Variants in SEPTIN12 observed in about 807,000 individuals in gnomAD.
SEPTIN12 encodes septin-12.
In SEPTIN12, 42 loss-of-function variants were observed where a neutral mutation model predicts 37.7. That is an observed-to-expected ratio of 1.11 (90% CI 0.87 to 1.44). The LOEUF (loss-of-function observed/expected upper bound fraction) is 1.44, where lower values mean the gene tolerates loss of function less well. Ranked by LOEUF, SEPTIN12 falls within the 40% of genes most tolerant of loss-of-function variation. The pLI is 0.00. For missense variants in SEPTIN12, 613 were observed against 479.2 expected, an observed-to-expected ratio of 1.28 and a Z score of -2.61; for synonymous variants, 254 against 196.7, an observed-to-expected ratio of 1.29 and a Z score of -2.44.
At chr16:4,782,320 T>C (rs753696915) in intron 7 of SEPTIN12, among the ~76,000 whole-genome samples, 1 of 152,204 alleles carries the variant, frequency 6.6e-6, no homozygotes, top group Non-Finnish European at 1.5e-5. Flanking sequence ...TGGTAGGGAA[T>C]AGGCCGCACT....
At chr16:4,781,935 T>C (rs9937927) in intron 7 of SEPTIN12, among the ~76,000 whole-genome samples, 58,449 of 126,200 alleles carry the variant, frequency 0.46, 13,359 homozygotes, top group African/African-American at 0.59. Context: ...TGAGCCACCG[T>C]GCCCGGCCTT....
At position 4,777,625 on chromosome 16, in the gene SEPTIN12, C is replaced by A; in HGVS notation, c.*172G>T. 1.7e-6 allele frequency: 1 copy of A among 593,588 alleles called. No individual in the cohort carries two copies. Among genetic ancestry groups the A allele is most frequent in the Non-Finnish European group, 3.0e-6 (1 of 337,204 alleles). 36.8% of individuals were successfully genotyped at this position (593,588 alleles called of 1,614,324 possible). A position where few individuals can be genotyped will look rare whatever the true frequency, so the allele number is the denominator to read the frequency against. On this transcript the variant is annotated 3_prime_UTR_variant, in exon 10 of 10. Coordinates refer to ENST00000268231, the MANE Select transcript of SEPTIN12 (RefSeq NM_144605.5). The stretch of plus-strand genomic sequence containing the variant: ...CCTGGGTAACAGAGTGACACCCAGC[C>A]TTTTTATTTGTGGATAGCTCAAAGA...
intron 7 of SEPTIN12, among the ~76,000 whole-genome samples, chr16:4,781,861 C>G (rs1214637230): frequency 6.6e-6 from 1 of 150,622 alleles, no homozygotes; most frequent in African/African-American, 2.5e-5. Flanking sequence ...TCAGGCTGGT[C>G]TCGAACTCCC....
At chr16:4,787,912 C>T (rs1370350216) in intron 1 of SEPTIN12, 6 of 420,208 alleles carry the variant, frequency 1.4e-5, no homozygotes. Flanking sequence ...CTGCCCTGTC[C>T]CCACCTACAG....
intron 4 of SEPTIN12, 169 bp downstream of exon 4, chr16:4,785,638 G>A (rs528744662): frequency 3.0e-5 from 18 of 590,856 alleles, no homozygotes; most frequent in Admixed American, 8.8e-5. Flanking sequence ...TTAGCTGGGC[G>A]TGGTGGCGGG....
Position 4,777,867 on chromosome 16 carries a change from C to G in SEPTIN12, c.1007G>C (p.Gly336Ala), listed in dbSNP as rs765174507. The stretch of plus-strand genomic sequence containing the variant: ...GAAGGTCCGGGGGGTGGTCAGCTGT[C>G]CTGGGGAGGCCGGGGCCAGGTTCAC... ...GWVNLAPASP[G>A]QLTTPRTFKV... The change falls in exon 10 of 10, where the codon GGA (glycine) becomes GCA (alanine). Residue 336 changes from glycine to alanine, a missense_variant. Transcript: ENST00000268231. The G allele has an allele frequency of 1.3e-6, 2 of 1,596,580 alleles. No homozygotes were observed. The highest frequency in any genetic ancestry group is 8.5e-7 in the Non-Finnish European group (1 of 1,172,394).
At chr16:4,785,688 G>T (rs1272409738) in intron 4 of SEPTIN12, 119 bp downstream of exon 4, 17 of 714,730 alleles carry the variant, frequency 2.4e-5, no homozygotes, top group Non-Finnish European at 3.8e-5. Flanking sequence ...TGAGGCAGGA[G>T]AATCACTTGA....
Position 4,787,876 on chromosome 16 carries a change from C to T in SEPTIN12, c.-22-209G>A, listed in dbSNP as rs552247879. 8.0e-5 allele frequency: 43 copies of T among 534,790 alleles called. No individual in the cohort carries two copies. The South Asian group carries it at 9.6e-4, about 12-fold the overall frequency. The allele number at this position is 534,790 out of a possible 1,614,324, so 33.1% of individuals were successfully genotyped here. A position where few individuals can be genotyped will look rare whatever the true frequency, so the allele number is the denominator to read the frequency against. ...TTCTGCAGGGTGCCTCAACACCCAT[C>T]CAGAGAGGCTCCGCTGCCCAAGGGT... On this transcript the variant is annotated intron_variant, in intron 1 of 9. Coordinates refer to ENST00000268231, the MANE Select transcript of SEPTIN12 (RefSeq NM_144605.5).
chr16:4,782,610 C>T (rs902676310), intron 7 of SEPTIN12, among the ~76,000 whole-genome samples: 19 of 149,008 alleles, frequency 1.3e-4, no homozygotes, highest in Non-Finnish European at 2.5e-4. Context: ...TTCCACAGCA[C>T]TTTTTTTTTT....
chr16:4,779,560 C>G, intron 8 of SEPTIN12, 130 bp downstream of exon 8: 1 of 699,776 alleles, frequency 1.4e-6, no homozygotes, highest in Non-Finnish European at 2.5e-6. Flanking sequence ...AAAGAGGGAC[C>G]ATTCCCCAGG....
chr16:4,787,805 T>G (rs2082483600), intron 1 of SEPTIN12, 138 bp from the exon 2 acceptor site: 1 of 597,392 alleles, frequency 1.7e-6, no homozygotes, highest in African/African-American at 1.9e-5. Context: ...GTACCCTAAG[T>G]GCCTGTAGTC....
At chr16:4,783,120 G>A (rs977086552) in intron 7 of SEPTIN12, among the ~76,000 whole-genome samples, 4 of 151,952 alleles carry the variant, frequency 2.6e-5, no homozygotes, top group Non-Finnish European at 5.9e-5. Flanking sequence ...TGTTGGCCAG[G>A]CTGGTCTCCA....
Position 4,783,565 on chromosome 16 carries a change from T to C in SEPTIN12, c.631-8A>G, listed in dbSNP as rs749668737. 2.5e-6 allele frequency: 4 copies of C among 1,613,630 alleles called. No homozygotes were observed. In the Admixed American group the frequency reaches 6.7e-5, roughly 27 times the overall value. ...CCTCAGGTTCTGCTGGATCTGGAGA[T>C]CCCACACAGGTGACCTCAGCCCACC... is the stretch of plus-strand genomic sequence containing the variant. On this transcript the variant is annotated splice_polypyrimidine_tract_variant and splice_region_variant and intron_variant, in intron 6 of 9. Coordinates refer to ENST00000268231, the MANE Select transcript of SEPTIN12 (RefSeq NM_144605.5).
At position 4,783,771 on chromosome 16, in the gene SEPTIN12, C is replaced by G. The variant is rs146060866; in HGVS notation, c.513-5G>C. 6.2e-7 allele frequency: 1 copy of G among 1,613,166 alleles called. No homozygotes were observed. Among genetic ancestry groups the G allele is most frequent in the South Asian group, 1.1e-5 (1 of 91,020 alleles). ...TCAATGTCCAGGGGCCGCAGGCTGC[C>G]GGAGGCAGGGCAGTGATGGGGGTGG... is the stretch of plus-strand genomic sequence containing the variant. On this transcript the variant is annotated splice_region_variant and splice_polypyrimidine_tract_variant and intron_variant, in intron 5 of 9. Coordinates refer to ENST00000268231, the MANE Select transcript of SEPTIN12 (RefSeq NM_144605.5).
At chr16:4,778,526 C>T (rs1213949323) in intron 8 of SEPTIN12, among the ~76,000 whole-genome samples, 4 of 152,168 alleles carry the variant, frequency 2.6e-5, no homozygotes, top group Non-Finnish European at 5.9e-5. Flanking sequence ...TCTGGCTGGG[C>T]GCGGTGGCTC....
Position 4,781,943 on chromosome 16 carries a change from C to CTTTTTT in SEPTIN12, c.726+1513_726+1518dup, listed in dbSNP as rs571415645. Among the ~76,000 whole-genome samples the CTTTTTT allele has an allele frequency of 2.1e-3, 101 of 47,448 alleles. 24 individuals carry two copies. The highest frequency in any genetic ancestry group is 9.9e-3 in the African/African-American group (93 of 9,436). 31.1% of individuals were successfully genotyped at this position (47,448 alleles called of 152,430 possible). A position where few individuals can be genotyped will look rare whatever the true frequency, so the allele number is the denominator to read the frequency against. ...ACAGGTGTGAGCCACCGTGCCCGGC[C>CTTTTTT]TTTTTTTTTTTTTTTTTTTTTTTTT... On this transcript the variant is annotated intron_variant, in intron 7 of 9. Transcript: ENST00000268231.
Position 4,784,038 on chromosome 16 carries a change from C to G in SEPTIN12, c.405G>C (p.Glu135Asp). The change falls in exon 5 of 10, where the codon GAG (glutamate) becomes GAC (aspartate). Residue 135 changes from glutamate (E) to aspartate (D), a missense_variant. Glu to Asp is a conservative substitution (Grantham distance 45, BLOSUM62 2). Coordinates refer to ENST00000268231, the MANE Select transcript of SEPTIN12 (RefSeq NM_144605.5). The part of the protein sequence containing the change: ...CWDPILGYIN[E>D]QYEQYLQEEI... ...CCTCCTGCAGGTACTGCTCGTATTG[C>G]TCGTTGATGTAGCCCAGGATGGGGT... is the stretch of plus-strand genomic sequence containing the variant. 2 of 1,614,174 alleles carry G rather than the reference C, an allele frequency of 1.2e-6. No individual in the cohort carries two copies. Among genetic ancestry groups the G allele is most frequent in the Non-Finnish European group, 1.7e-6 (2 of 1,180,034 alleles).
In SEPTIN12 at chr16:4,786,259, G is replaced by C. The variant is rs114025141; in HGVS notation, c.167-154C>G. On this transcript the variant is annotated intron_variant, in intron 2 of 9. Coordinates refer to ENST00000268231, the MANE Select transcript of SEPTIN12 (RefSeq NM_144605.5). ...TGCAATCCCCGTTCACTGCAGCCTC[G>C]ACCTTCCCAGACTCTAGTGATTCTC... is the stretch of plus-strand genomic sequence containing the variant. Among the ~76,000 whole-genome samples, 552 of 150,914 alleles carry C rather than the reference G, an allele frequency of 3.7e-3. 1 individual carries two copies. The highest frequency in any genetic ancestry group is 4.3e-3 in the African/African-American group (178 of 41,044).
rs190954548 is a variant in SEPTIN12, at chr16:4,786,243, C to T, written c.167-138G>A. On this transcript the variant is annotated intron_variant, in intron 2 of 9. Transcript: ENST00000268231. ...GGCTGGAGTGCAATGATGCAATCCC[C>T]GTTCACTGCAGCCTCGACCTTCCCA... The T allele has an allele frequency of 2.0e-4, 224 of 1,142,624 alleles. No homozygotes were observed. In the African/African-American group the frequency reaches 2.5e-3, roughly 13 times the overall value. The allele number at this position is 1,142,624 out of a possible 1,614,324, so 70.8% of individuals were successfully genotyped here. A position where few individuals can be genotyped will look rare whatever the true frequency, so the allele number is the denominator to read the frequency against.
Sources: gnomAD v4.1 joint callset for allele counts (sites outside exome capture counted in the v4.1 genomes callset) on GRCh38, gnomAD v4.1.1 for gene constraint, MANE v1.5 for transcripts, NCBI Gene and HGNC (gene_info 2026-07-23, HGNC 2026-07-21) for gene names.